The following DENND5B variants were observed in gnomAD, a reference collection of about 807,000 sequenced individuals.
DENND5B encodes DENN domain-containing protein 5B.
Under a neutral mutation model 140.6 loss-of-function variants are expected in DENND5B, and 34 were observed. The ratio of observed to expected loss-of-function variants is 0.24; its 90% CI spans 0.18 to 0.32. The LOEUF (loss-of-function observed/expected upper bound fraction) is 0.32, where lower values mean the gene tolerates loss of function less well. Ranked by LOEUF, DENND5B falls within the 10% of genes least tolerant of loss-of-function variation. The pLI is 1.00. For missense variants in DENND5B, 1,142 were observed against 1,560.2 expected, an observed-to-expected ratio of 0.73 and a Z score of 4.52; for synonymous variants, 551 against 562.1, an observed-to-expected ratio of 0.98 and a Z score of 0.28.
In DENND5B at chr12:31,508,825, T is replaced by A. The variant is rs552776792; in HGVS notation, c.128-12906A>T. ...GACTGAAAATCACACATCACATATA[T>A]CAGGAGGAGAACAATGACCTATAAG... On this transcript the variant is annotated intron_variant, in intron 1 of 20. Coordinates refer to ENST00000389082, the MANE Select transcript of DENND5B (RefSeq NM_144973.4). Among the ~76,000 whole-genome samples, 16 of 152,234 alleles carry A rather than the reference T, an allele frequency of 1.1e-4. 1 individual carries two copies. The South Asian group carries it at 3.3e-3, about 32-fold the overall frequency.
intron 14 of DENND5B, among the ~76,000 whole-genome samples, chr12:31,403,400 T>G (rs546011953): frequency 1.3e-5 from 2 of 151,680 alleles, no homozygotes; most frequent in South Asian, 4.2e-4. Context: ...CTTTTTTTTT[T>G]TTGCCAACAT....
intron 4 of DENND5B, among the ~76,000 whole-genome samples, chr12:31,455,424 C>T (rs1944726040): frequency 6.6e-6 from 1 of 152,040 alleles, no homozygotes; most frequent in African/African-American, 2.4e-5. Context: ...TAAGAAGGGC[C>T]CAAGCTGGGG....
At chr12:31,428,939 G>A (rs1170658037) in intron 8 of DENND5B, among the ~76,000 whole-genome samples, 1 of 152,072 alleles carries the variant, frequency 6.6e-6, no homozygotes, top group East Asian at 1.9e-4. Context: ...CACTGTGTTA[G>A]CCAGGATGGT....
intron 11 of DENND5B, among the ~76,000 whole-genome samples, chr12:31,415,713 A>G (rs976304773): frequency 6.6e-6 from 1 of 152,166 alleles, no homozygotes; most frequent in African/African-American, 2.4e-5. Context: ...CCCTGTCCAG[A>G]GTAACTGGGA....
chr12:31,472,090 T>C (rs2138426980), intron 3 of DENND5B, among the ~76,000 whole-genome samples: 1 of 152,280 alleles, frequency 6.6e-6, no homozygotes, highest in South Asian at 2.1e-4. Flanking sequence ...AGGCTCCTTT[T>C]ATGTGGGCAC....
chr12:31,490,856 C>T (rs2138679866), intron 2 of DENND5B, among the ~76,000 whole-genome samples: 1 of 152,258 alleles, frequency 6.6e-6, no homozygotes, highest in South Asian at 2.1e-4. Flanking sequence ...TCCACTATAT[C>T]CTTCTTTGTA....
At chr12:31,567,918 A>G (rs1199556393) in intron 1 of DENND5B, among the ~76,000 whole-genome samples, 1 of 152,150 alleles carries the variant, frequency 6.6e-6, no homozygotes, top group East Asian at 1.9e-4. Flanking sequence ...CAGGCTAGTC[A>G]TGAACTCCTG....
Position 31,402,602 on chromosome 12 carries a change from T to C in DENND5B, c.2845A>G (p.Ser949Gly). 6.2e-7 allele frequency: 1 copy of C among 1,613,744 alleles called. No individual in the cohort carries two copies. Among genetic ancestry groups the C allele is most frequent in the Non-Finnish European group, 8.5e-7 (1 of 1,179,748 alleles). ...GGGTTTGATGTGATTATTGCATTGCTCAGCTTTTTGATTGGGATGATCACT... is the reference window on the plus strand; with the variant it reads ...GGGTTTGATGTGATTATTGCATTGCCCAGCTTTTTGATTGGGATGATCACT... ...RSVIIPIKKL[S>G]NAIITSNPWI... Residue 949 changes from serine to glycine, a missense_variant, in exon 15 of 21, where the codon AGC becomes GGC. Coordinates refer to ENST00000389082, the MANE Select transcript of DENND5B (RefSeq NM_144973.4).
At chr12:31,433,690 CT>C (rs1372112207) in intron 7 of DENND5B, among the ~76,000 whole-genome samples, 1 of 152,036 alleles carries the variant, frequency 6.6e-6, no homozygotes, top group Non-Finnish European at 1.5e-5. Context: ...TTCTAGCGTC[CT>C]AAAAGAATAG....
At chr12:31,496,591 C>T (rs1946768353) in intron 1 of DENND5B, among the ~76,000 whole-genome samples, 1 of 152,130 alleles carries the variant, frequency 6.6e-6, no homozygotes. Context: ...AGGCCAGGCA[C>T]AGTAGCTCAT....
intron 1 of DENND5B, among the ~76,000 whole-genome samples, chr12:31,500,944 C>G (rs1946980359): frequency 6.6e-6 from 1 of 152,134 alleles, no homozygotes; most frequent in Non-Finnish European, 1.5e-5. Flanking sequence ...GAGGAGTAAC[C>G]TATAGTATAT....
intron 8 of DENND5B, among the ~76,000 whole-genome samples, chr12:31,427,220 G>C (rs556936975): frequency 6.6e-6 from 1 of 152,210 alleles, no homozygotes; most frequent in South Asian, 2.1e-4. Context: ...AAATGCTCTT[G>C]AGCTTTGGTT....
chr12:31,476,209 G>A, intron 3 of DENND5B, among the ~76,000 whole-genome samples: 1 of 150,414 alleles, frequency 6.6e-6, no homozygotes, highest in African/African-American at 2.4e-5. Context: ...TCTAAAAAAA[G>A]CATGGTATAC....
At chr12:31,400,850 G>T (rs76110352) in intron 15 of DENND5B, among the ~76,000 whole-genome samples, 653 of 142,130 alleles carry the variant, frequency 4.6e-3, no homozygotes, top group Non-Finnish European at 4.5e-3. Flanking sequence ...TTTTTTTTTT[G>T]TTTTTTTTTT....
At chr12:31,571,964 C>T (rs894993582) in intron 1 of DENND5B, among the ~76,000 whole-genome samples, 10 of 152,144 alleles carry the variant, frequency 6.6e-5, no homozygotes, top group Non-Finnish European at 1.5e-4. Flanking sequence ...GTGGCTCATG[C>T]CTGTAATCTC....
intron 1 of DENND5B, among the ~76,000 whole-genome samples, chr12:31,584,842 C>T (rs1184916788): frequency 1.3e-5 from 2 of 150,420 alleles, no homozygotes; most frequent in South Asian, 2.1e-4. Flanking sequence ...ACCCACCCTC[C>T]CCGAAAAAAA....
intron 3 of DENND5B, among the ~76,000 whole-genome samples, chr12:31,478,682 C>T (rs1044582544): frequency 1.2e-4 from 16 of 138,856 alleles, no homozygotes; most frequent in Non-Finnish European, 1.8e-4. Flanking sequence ...GCCTGGGTGA[C>T]GGAGTGAGAA....
chr12:31,447,571 T>C lies in DENND5B; in HGVS notation c.1828A>G (p.Ile610Val), dbSNP rs374898622. ...NVRAPTLRTS[I>V]YQKCSTLKEA... ...TTTAAAGTGCTGCATTTCTGATATA[T>C]AGATGTCCGCAAGGTGGGTGCCCTT... Residue 610 changes from isoleucine to valine, a missense_variant, in exon 6 of 21, where the codon ATA becomes GTA. Transcript: ENST00000389082. 5.0e-5 allele frequency: 81 copies of C among 1,613,720 alleles called. No homozygotes were observed. The highest frequency in any genetic ancestry group is 4.9e-4 in the Middle Eastern group (3 of 6,084).
intron 1 of DENND5B, among the ~76,000 whole-genome samples, chr12:31,586,408 T>A (rs1170839498): frequency 1.3e-5 from 2 of 152,226 alleles, no homozygotes; most frequent in Non-Finnish European, 2.9e-5. Flanking sequence ...AGAACTTCGA[T>A]GTGGTACAGA....
Sources: gnomAD v4.1 joint callset for allele counts (sites outside exome capture counted in the v4.1 genomes callset) on GRCh38, gnomAD v4.1.1 for gene constraint, MANE v1.5 for transcripts, NCBI Gene and HGNC (gene_info 2026-07-23, HGNC 2026-07-21) for gene names.